The following SFRP1 variants were observed in gnomAD, a reference collection of about 807,000 sequenced individuals.
SFRP1 encodes the protein secreted frizzled related protein 1, also known as secreted frizzled-related protein 1.
Under a neutral mutation model 25.9 loss-of-function variants are expected in SFRP1, and 9 were observed. That is an observed-to-expected ratio of 0.35 (90% CI 0.21 to 0.61). The LOEUF is 0.61. Among genes scored for constraint, SFRP1 ranks in the 20% least tolerant of loss-of-function variants. The pLI is 0.78. For missense variants in SFRP1, 346 were observed against 418.2 expected (o/e 0.83, Z 1.51); for synonymous variants, 178 against 174.0 (o/e 1.02, Z -0.18).
chr8:41,273,540 T>C (rs529588220), intron 2 of SFRP1, among the ~76,000 whole-genome samples: 4 of 152,168 alleles, frequency 2.6e-5, no homozygotes, highest in Admixed American at 6.5e-5. Context: ...TATAAACTTA[T>C]GGGTTACAAT....
intron 2 of SFRP1, among the ~76,000 whole-genome samples, chr8:41,291,073 T>A (rs1247411715): frequency 6.8e-6 from 1 of 147,186 alleles, no homozygotes; most frequent in Non-Finnish European, 1.5e-5. Context: ...GGCCCCGCTA[T>A]TTTTTTTTGT....
At chr8:41,305,850 C>T (rs188450985) in intron 1 of SFRP1, among the ~76,000 whole-genome samples, 21 of 152,296 alleles carry the variant, frequency 1.4e-4, no homozygotes, top group African/African-American at 5.1e-4. Flanking sequence ...CACACACAAC[C>T]CCCACAATCT....
chr8:41,301,500 A>C (rs563103843), intron 2 of SFRP1, among the ~76,000 whole-genome samples: 2 of 152,336 alleles, frequency 1.3e-5, no homozygotes, highest in East Asian at 3.9e-4. Flanking sequence ...ACAAAAAAAC[A>C]AAAAGGTTTC....
rs762804035 is a variant in SFRP1 at position 41,309,128 on chromosome 8, C to A, written c.32G>T (p.Arg11Leu). The change falls in exon 1 of 3, where the codon CGC (arginine) becomes CTC (leucine). Residue 11 changes from arginine (R) to leucine (L), a missense_variant. Arg to Leu is a moderately radical substitution (Grantham distance 102). Coordinates refer to ENST00000220772, the MANE Select transcript of SFRP1 (RefSeq NM_003012.5). Reference sequence around the variant, plus strand: ...CAGCAGCACGCCCAGGGCTGCCCCGCGGCGGCCCCCCTCGCTGCGCCCGAT... The same window carrying A: ...CAGCAGCACGCCCAGGGCTGCCCCGAGGCGGCCCCCCTCGCTGCGCCCGAT... The part of the protein sequence containing the change: MGIGRSEGGR[R>L]GAALGVLLAL... 1.4e-6 allele frequency: 2 copies of A among 1,450,304 alleles called. No homozygotes were observed. The highest frequency in any genetic ancestry group is 1.8e-6 in the Non-Finnish European group (2 of 1,116,530). The allele number at this position is 1,450,304 out of a possible 1,614,324, so 89.8% of individuals were successfully genotyped here. A position where few individuals can be genotyped will look rare whatever the true frequency, so the allele number is the denominator to read the frequency against.
intron 2 of SFRP1, among the ~76,000 whole-genome samples, chr8:41,301,933 G>C (rs1417892044): frequency 1.3e-5 from 2 of 152,174 alleles, no homozygotes; most frequent in East Asian, 1.9e-4. Flanking sequence ...GTGCCCTCTA[G>C]ACCCCTGCCC....
At chr8:41,280,026 G>A (rs1054901217) in intron 2 of SFRP1, among the ~76,000 whole-genome samples, 3 of 152,192 alleles carry the variant, frequency 2.0e-5, no homozygotes, top group Admixed American at 2.0e-4. Context: ...AGGGGCCCTG[G>A]TGGCCTGCTC....
At chr8:41,301,555 C>T (rs1488669265) in intron 2 of SFRP1, among the ~76,000 whole-genome samples, 1 of 152,236 alleles carries the variant, frequency 6.6e-6, no homozygotes, top group African/African-American at 2.4e-5. Flanking sequence ...CATACGCACA[C>T]TAAGGAGGTC....
chr8:41,291,988 C>T (rs72642749), intron 2 of SFRP1, among the ~76,000 whole-genome samples: 3,683 of 152,206 alleles, frequency 0.024, 60 homozygotes, highest in Middle Eastern at 0.044. Context: ...CACCCTCACC[C>T]TCTCCTCCAA....
At chr8:41,301,448 G>GGA (rs1554524564) in intron 2 of SFRP1, among the ~76,000 whole-genome samples, 1 of 151,030 alleles carries the variant, frequency 6.6e-6, no homozygotes, top group Non-Finnish European at 1.5e-5. Context: ...CAGAGAGAGA[G>GGA]AAAAAAAAAT....
rs541024451 is a variant in SFRP1, at chr8:41,307,612, A to T, written c.544+1004T>A. On this transcript the variant is annotated intron_variant, in intron 1 of 2. Transcript: ENST00000220772. ...CAATCCCTGACCCTCTCCACACCTC[A>T]GAGCCTAAACTTCGCTTCTAAAGAA... is the stretch of plus-strand genomic sequence containing the variant. Among the ~76,000 whole-genome samples the T allele has an allele frequency of 3.3e-5, 5 of 152,332 alleles. No homozygotes were observed. The South Asian group carries it at 1.0e-3, about 32-fold the overall frequency.
intron 2 of SFRP1, among the ~76,000 whole-genome samples, chr8:41,276,137 A>G (rs1803569734): frequency 6.6e-6 from 1 of 152,076 alleles, no homozygotes; most frequent in Non-Finnish European, 1.5e-5. Flanking sequence ...GGCCTGCTCC[A>G]CCCCTCCTAC....
At chr8:41,295,928 A>G (rs1434773424) in intron 2 of SFRP1, among the ~76,000 whole-genome samples, 1 of 152,176 alleles carries the variant, frequency 6.6e-6, no homozygotes, top group East Asian at 1.9e-4. Context: ...CACTTTCCTC[A>G]TAACTCATCA....
At chr8:41,287,872 C>A (rs1803724853) in intron 2 of SFRP1, among the ~76,000 whole-genome samples, 1 of 152,248 alleles carries the variant, frequency 6.6e-6, no homozygotes, top group African/African-American at 2.4e-5. Flanking sequence ...GAAGCCCTTC[C>A]AGGGATGCCA....
chr8:41,285,323 G>A lies in SFRP1; in HGVS notation c.622+18138C>T, dbSNP rs990153267. 4.6e-5 allele frequency among the ~76,000 whole-genome samples: 7 copies of A among 152,028 alleles called. 1 individual carries two copies. Among genetic ancestry groups the A allele is most frequent in the South Asian group, 4.1e-4 (2 of 4,820 alleles). ...GAGCCACTGCTGTCCTCCGCCCCTCGTTCCCCACGCACTATTCCCTTCACA... is the reference window on the plus strand; with the variant it reads ...GAGCCACTGCTGTCCTCCGCCCCTCATTCCCCACGCACTATTCCCTTCACA... On this transcript the variant is annotated intron_variant, in intron 2 of 2. Transcript: ENST00000220772.
At position 41,308,847 on chromosome 8, in the gene SFRP1, A is replaced by C; in HGVS notation, c.313T>G (p.Cys105Gly). Residue 105 changes from cysteine (C) to glycine (G), a missense_variant, in exon 1 of 3, where the codon TGC (cysteine) becomes GGC (glycine). Coordinates refer to ENST00000220772, the MANE Select transcript of SFRP1 (RefSeq NM_003012.5). ...SSWVPLLNKN[C>G]HAGTQVFLCS... ...AGGAAGACCTGGGTGCCGGCGTGGC[A>C]GTTCTTGTTGAGCAGGGGCACCCAG... 1 of 1,610,330 alleles carries C rather than the reference A, an allele frequency of 6.2e-7. No individual in the cohort carries two copies. The highest frequency in any genetic ancestry group is 8.5e-7 in the Non-Finnish European group (1 of 1,179,514).
chr8:41,309,280 G>A lies in SFRP1; in HGVS notation c.-121C>T. On this transcript the variant is annotated 5_prime_UTR_variant, in exon 1 of 3. Coordinates refer to ENST00000220772, the MANE Select transcript of SFRP1 (RefSeq NM_003012.5). Reference sequence around the variant, plus strand: ...AAAGGCGCAGTCCCCAGCGTTGCCCGGCTCCGCGGCCGCAAGCTGCTGCCC... The same window carrying A: ...AAAGGCGCAGTCCCCAGCGTTGCCCAGCTCCGCGGCCGCAAGCTGCTGCCC... 2 of 1,137,824 alleles carry A rather than the reference G, an allele frequency of 1.8e-6. No homozygotes were observed. Among genetic ancestry groups the A allele is most frequent in the Non-Finnish European group, 2.2e-6 (2 of 910,484 alleles). 70.5% of individuals were successfully genotyped at this position (1,137,824 alleles called of 1,614,324 possible). A position where few individuals can be genotyped will look rare whatever the true frequency, so the allele number is the denominator to read the frequency against.
At chr8:41,283,694 C>T (rs945838092) in intron 2 of SFRP1, among the ~76,000 whole-genome samples, 2 of 151,412 alleles carry the variant, frequency 1.3e-5, no homozygotes, top group Admixed American at 6.6e-5. Context: ...CCGAGAGTAG[C>T]TGGGATTACA....
At chr8:41,283,803 TG>T (rs1803665046) in intron 2 of SFRP1, among the ~76,000 whole-genome samples, 1 of 152,192 alleles carries the variant, frequency 6.6e-6, no homozygotes, top group Non-Finnish European at 1.5e-5. Flanking sequence ...CCTCAGGTGA[TG>T]CACCCACCTT....
At chr8:41,297,177 G>GAAGAAGCTGCCTC (rs1803854103) in intron 2 of SFRP1, among the ~76,000 whole-genome samples, 1 of 152,122 alleles carries the variant, frequency 6.6e-6, no homozygotes, top group Admixed American at 6.5e-5. Flanking sequence ...TGAAGTAGCT[G>GAAGAAGCTGCCTC]GGATTACAAG....
Sources: gnomAD v4.1 joint callset for allele counts (sites outside exome capture counted in the v4.1 genomes callset) on GRCh38, gnomAD v4.1.1 for gene constraint, MANE v1.5 for transcripts, NCBI Gene and HGNC (gene_info 2026-07-23, HGNC 2026-07-21) for gene names.